Variants in DLGAP2 observed in about 807,000 individuals in gnomAD.
The protein encoded by DLGAP2 is DLG associated protein 2.
A neutral mutation model predicts 100.3 loss-of-function variants in DLGAP2; 26 were observed. The observed-to-expected ratio is 0.26, with a 90% confidence interval of 0.19 to 0.36. DLGAP2 has a LOEUF of 0.36. Among genes scored for constraint, DLGAP2 ranks in the 10% least tolerant of loss-of-function variants. DLGAP2 has a pLI of 1.00. For missense variants in DLGAP2, 1,858 were observed against 1,453.2 expected, an observed-to-expected ratio of 1.28 and a Z score of -4.53; for synonymous variants, 886 against 630.1, an observed-to-expected ratio of 1.41 and a Z score of -6.08.
intron 2 of DLGAP2, among the ~76,000 whole-genome samples, chr8:1,141,734 T>A (rs1392541536): frequency 1.3e-5 from 2 of 152,108 alleles, no homozygotes; most frequent in Admixed American, 1.3e-4. Context: ...ATCATAGTCT[T>A]CAAGAATATT....
intron 1 of DLGAP2, among the ~76,000 whole-genome samples, chr8:747,180 C>G (rs957915454): frequency 1.3e-5 from 2 of 152,078 alleles, no homozygotes; most frequent in Non-Finnish European, 2.9e-5. Flanking sequence ...GGGCACTGCC[C>G]CGCCTCTGAC....
intron 2 of DLGAP2, among the ~76,000 whole-genome samples, chr8:1,159,329 G>A (rs190089677): frequency 1.3e-5 from 2 of 152,330 alleles, no homozygotes; most frequent in African/African-American, 4.8e-5. Context: ...AATGTAAGAA[G>A]AGGTATAAGG....
Position 791,724 on chromosome 8 carries a change from A to G in DLGAP2, c.18+53899A>G, listed in dbSNP as rs193241061. Among the ~76,000 whole-genome samples, 9 of 152,284 alleles carry G rather than the reference A, an allele frequency of 5.9e-5. No homozygotes were observed. The East Asian group carries it at 1.7e-3, about 29-fold the overall frequency. On this transcript the variant is annotated intron_variant, in intron 1 of 14. Transcript: ENST00000637795. Reference sequence around the variant, plus strand: ...TAAAAAACTTTTTTATTTGGGAGTAATTTCACACTTCAGGAAGACTTCAAG... The same window carrying G: ...TAAAAAACTTTTTTATTTGGGAGTAGTTTCACACTTCAGGAAGACTTCAAG...
chr8:828,342 G>T (rs1796720264), intron 1 of DLGAP2, among the ~76,000 whole-genome samples: 1 of 152,182 alleles, frequency 6.6e-6, no homozygotes. Context: ...CCAGTTCAGA[G>T]ACCTACCCCT....
rs138616903 is a variant in DLGAP2 at position 1,387,941 on chromosome 8, G to C, written c.107-113425G>C. On this transcript the variant is annotated intron_variant, in intron 3 of 14. Coordinates refer to ENST00000637795, the MANE Select transcript of DLGAP2 (RefSeq NM_001346810.2). ...TCTGGAGCCCCACAGTTAGGGTTAC[G>C]GGTGGGTTAGCGATCAAGGCGTGGA... Among the ~76,000 whole-genome samples the C allele has an allele frequency of 5.9e-5, 9 of 152,362 alleles. No homozygotes were observed. The South Asian group carries it at 1.7e-3, about 28-fold the overall frequency.
chr8:1,659,248 G>C (rs1359536057), intron 8 of DLGAP2, among the ~76,000 whole-genome samples: 1 of 152,172 alleles, frequency 6.6e-6, no homozygotes, highest in Non-Finnish European at 1.5e-5. Flanking sequence ...GCTGAGGTGT[G>C]TTTTACTTTT....
At chr8:1,270,002 G>A (rs1192925633) in intron 3 of DLGAP2, among the ~76,000 whole-genome samples, 1 of 152,184 alleles carries the variant, frequency 6.6e-6, no homozygotes, top group Non-Finnish European at 1.5e-5. Context: ...ATTTTCCTGG[G>A]CGGGGAGCAT....
chr8:1,368,518 ATATT>A (rs1802163697), intron 3 of DLGAP2: 1 of 152,170 alleles, frequency 6.6e-6, no homozygotes, highest in African/African-American at 2.4e-5. Context: ...ATCACAGTAA[ATATT>A]TATAGAATAT....
intron 2 of DLGAP2, among the ~76,000 whole-genome samples, chr8:1,090,391 G>C (rs2129041378): frequency 6.6e-6 from 1 of 152,250 alleles, no homozygotes; most frequent in Middle Eastern, 3.4e-3. Flanking sequence ...CCGAGGACCT[G>C]CTCCATGTCT....
chr8:868,954 A>T (rs1433622220), intron 1 of DLGAP2, among the ~76,000 whole-genome samples: 1 of 152,192 alleles, frequency 6.6e-6, no homozygotes, highest in Non-Finnish European at 1.5e-5. Context: ...TTAAAAACTG[A>T]AATTGCTGTC....
chr8:956,809 T>C (rs1282686259), intron 2 of DLGAP2, among the ~76,000 whole-genome samples: 1 of 152,248 alleles, frequency 6.6e-6, no homozygotes, highest in African/African-American at 2.4e-5. Context: ...TTAGTGCACA[T>C]GTGTCACTGT....
At chr8:1,556,816 C>T (rs1801980242) in intron 5 of DLGAP2, among the ~76,000 whole-genome samples, 1 of 152,208 alleles carries the variant, frequency 6.6e-6, no homozygotes. Flanking sequence ...AGACTTCCCA[C>T]CCAAGCTAAA....
At chr8:909,287 G>A (rs1563090680) in intron 2 of DLGAP2, among the ~76,000 whole-genome samples, 1 of 152,124 alleles carries the variant, frequency 6.6e-6, no homozygotes, top group Non-Finnish European at 1.5e-5. Flanking sequence ...AAAGATTTTT[G>A]CAACTGTGTC....
chr8:930,844 A>G (rs1798940677), intron 2 of DLGAP2, among the ~76,000 whole-genome samples: 1 of 152,126 alleles, frequency 6.6e-6, no homozygotes, highest in South Asian at 2.1e-4. Flanking sequence ...CCCGTTTATT[A>G]TGTAATGGGA....
intron 2 of DLGAP2, among the ~76,000 whole-genome samples, chr8:965,790 A>T (rs975922821): frequency 4.9e-4 from 68 of 138,870 alleles, no homozygotes; most frequent in East Asian, 4.4e-3. Flanking sequence ...ACTGTTCACC[A>T]CACAGGGCTC....
At chr8:1,033,759 C>A (rs1373222565) in intron 2 of DLGAP2, among the ~76,000 whole-genome samples, 1 of 150,272 alleles carries the variant, frequency 6.7e-6, no homozygotes, top group East Asian at 2.0e-4. Flanking sequence ...CATCCCGACC[C>A]CGCGTGTCAC....
chr8:1,547,462 CAAG>C (rs1335320387), intron 4 of DLGAP2, among the ~76,000 whole-genome samples: 1 of 151,506 alleles, frequency 6.6e-6, no homozygotes, highest in African/African-American at 2.4e-5. Context: ...GTCCTGGTGA[CAAG>C]GAGGAGGGTC....
At chr8:1,006,719 A>G (rs12682502) in intron 2 of DLGAP2, among the ~76,000 whole-genome samples, 29,680 of 88,008 alleles carry the variant, frequency 0.34, 5,136 homozygotes, top group Admixed American at 0.43. Flanking sequence ...TTATCACATC[A>G]GGGACACCGT....
At chr8:1,196,626 G>C (rs142996686) in intron 2 of DLGAP2, among the ~76,000 whole-genome samples, 248 of 152,306 alleles carry the variant, frequency 1.6e-3, no homozygotes, top group African/African-American at 5.7e-3. Context: ...CAGGTCGAGG[G>C]GGGTATCTCT....
Sources: allele counts gnomAD v4.1 joint callset (sites outside exome capture counted in the v4.1 genomes callset), GRCh38; gene constraint gnomAD v4.1.1; transcripts MANE v1.5; gene names NCBI Gene and HGNC (gene_info 2026-07-23, HGNC 2026-07-21).